The following PAN3 variants were observed in gnomAD, a reference collection of about 807,000 sequenced individuals.
The protein encoded by PAN3 is poly(A) specific ribonuclease subunit PAN3, also known as PAN2-PAN3 deadenylation complex subunit PAN3.
Under a neutral mutation model 96.2 loss-of-function variants are expected in PAN3, and 19 were observed. The observed-to-expected ratio is 0.20, with a 90% CI of 0.14 to 0.29. The LOEUF is 0.29. PAN3 is among the 10% of genes least tolerant of loss of function. The pLI, the probability that PAN3 is intolerant of heterozygous loss-of-function variation, is 1.00. For synonymous variants in PAN3, 433 were observed against 406.6 expected (o/e 1.06, Z -0.78); for missense variants, 882 against 1,108.1 (o/e 0.80, Z 2.90).
chr13:28,244,273 C>T (rs537898374), intron 6 of PAN3, among the ~76,000 whole-genome samples: 113 of 152,188 alleles, frequency 7.4e-4, no homozygotes, highest in African/African-American at 2.5e-3. Flanking sequence ...TTTTGACCTT[C>T]GGATTTTGTT....
Position 28,291,232 on chromosome 13 carries a change from CAT to C in PAN3, c.2524-1147_2524-1146del, listed in dbSNP as rs1265428572. On this transcript the variant is annotated intron_variant, in intron 18 of 18. Coordinates refer to ENST00000380958, the MANE Select transcript of PAN3 (RefSeq NM_175854.8). ...GTTTGAGCCTTCAGTGAGTTGTAAA[CAT>C]ATTTTAATGAATTATGTATCAATTA... Among the ~76,000 whole-genome samples, 9 of 152,148 alleles carry C rather than the reference CAT, an allele frequency of 5.9e-5. No homozygotes were observed. The South Asian group carries it at 1.5e-3, about 25-fold the overall frequency.
chr13:28,230,513 A>C (rs1342847220), intron 6 of PAN3, among the ~76,000 whole-genome samples: 2 of 152,168 alleles, frequency 1.3e-5, no homozygotes, highest in African/African-American at 4.8e-5. Context: ...ATTGTTACAA[A>C]AAAATCAACT....
intron 9 of PAN3, among the ~76,000 whole-genome samples, chr13:28,262,698 C>G (rs552949225): frequency 8.9e-6 from 1 of 112,902 alleles, no homozygotes; most frequent in African/African-American, 2.7e-5. Flanking sequence ...GCAGATTAGA[C>G]ATTATTTGAA....
At chr13:28,289,480 G>A (rs1292584453) in intron 18 of PAN3, among the ~76,000 whole-genome samples, 2 of 152,158 alleles carry the variant, frequency 1.3e-5, no homozygotes, top group Non-Finnish European at 2.9e-5. Flanking sequence ...ATTTCACCAT[G>A]TTGCTCAGGC....
intron 4 of PAN3, among the ~76,000 whole-genome samples, chr13:28,183,017 G>T (rs546496785): frequency 6.6e-6 from 1 of 151,970 alleles, no homozygotes; most frequent in Admixed American, 6.6e-5. Flanking sequence ...GCATATTTAC[G>T]GTAGAGTTCT....
chr13:28,177,838 T>G, intron 3 of PAN3, 27 bp from the exon 4 acceptor site: 1 of 1,591,980 alleles, frequency 6.3e-7, no homozygotes, highest in African/African-American at 1.3e-5. Flanking sequence ...GTTTTATGTG[T>G]GGAAACTTAC....
At chr13:28,237,141 T>C (rs1011201422) in intron 6 of PAN3, among the ~76,000 whole-genome samples, 2 of 152,156 alleles carry the variant, frequency 1.3e-5, no homozygotes, top group Non-Finnish European at 2.9e-5. Flanking sequence ...GTGAAAACAT[T>C]AGATTGGGCT....
At chr13:28,254,245 A>C (rs2138575963) in intron 6 of PAN3, among the ~76,000 whole-genome samples, 1 of 152,314 alleles carries the variant, frequency 6.6e-6, no homozygotes, top group East Asian at 1.9e-4. Context: ...TTGCTGAATT[A>C]CCTATATTTG....
intron 7 of PAN3, 31 bp downstream of exon 7, chr13:28,256,570 ACT>A (rs1381982766): frequency 6.3e-6 from 10 of 1,584,882 alleles, no homozygotes; most frequent in Non-Finnish European, 6.9e-6. Flanking sequence ...AAATTTTAGT[ACT>A]CTCTTGTAAC....
intron 15 of PAN3, among the ~76,000 whole-genome samples, chr13:28,279,136 A>G (rs1887270505): frequency 6.6e-6 from 1 of 151,986 alleles, no homozygotes; most frequent in Non-Finnish European, 1.5e-5. Flanking sequence ...CTTTACGTAT[A>G]GAATAAGCGG....
chr13:28,177,401 T>C (rs1391869533), intron 3 of PAN3, among the ~76,000 whole-genome samples: 44 of 152,166 alleles, frequency 2.9e-4, no homozygotes, highest in Admixed American at 2.9e-3. Context: ...ATGGAATAGT[T>C]TGCAGAGTAA....
At chr13:28,285,358 C>G (rs1246979449) in intron 17 of PAN3, among the ~76,000 whole-genome samples, 3 of 152,164 alleles carry the variant, frequency 2.0e-5, no homozygotes, top group Admixed American at 6.5e-5. Flanking sequence ...GAATTTGAAG[C>G]ATTGTTCCTT....
chr13:28,186,188 TTTC>T (rs1300398573), intron 4 of PAN3, among the ~76,000 whole-genome samples: 1 of 152,202 alleles, frequency 6.6e-6, no homozygotes, highest in Non-Finnish European at 1.5e-5. Context: ...TACAAAAATA[TTTC>T]TTCATTTGGG....
chr13:28,282,953 T>G (rs1868475638), intron 17 of PAN3, among the ~76,000 whole-genome samples: 1 of 152,198 alleles, frequency 6.6e-6, no homozygotes, highest in Admixed American at 6.5e-5. Flanking sequence ...AAAGGTGAGT[T>G]TTTTTAGTCT....
intron 6 of PAN3, among the ~76,000 whole-genome samples, chr13:28,250,434 C>A (rs1884615037): frequency 6.6e-6 from 1 of 152,118 alleles, no homozygotes; most frequent in Non-Finnish European, 1.5e-5. Context: ...GGTGCAACCT[C>A]TGCTCACTGC....
intron 17 of PAN3, among the ~76,000 whole-genome samples, chr13:28,285,065 G>C (rs1868812978): frequency 6.6e-6 from 1 of 152,138 alleles, no homozygotes; most frequent in Non-Finnish European, 1.5e-5. Flanking sequence ...GCAATACTGA[G>C]TGTATTCTTA....
intron 5 of PAN3, among the ~76,000 whole-genome samples, chr13:28,199,504 G>A (rs998313910): frequency 2.0e-5 from 3 of 152,050 alleles, no homozygotes; most frequent in African/African-American, 7.2e-5. Flanking sequence ...AGGACATAAG[G>A]AATGCTGTAC....
chr13:28,241,330 A>G (rs561553705), intron 6 of PAN3, among the ~76,000 whole-genome samples: 1 of 152,368 alleles, frequency 6.6e-6, no homozygotes, highest in South Asian at 2.1e-4. Flanking sequence ...CATATAGTAT[A>G]TAGTCATCTG....
chr13:28,266,695 C>G lies in PAN3; in HGVS notation c.1412-20C>G. 1 of 1,517,344 alleles carries G rather than the reference C, an allele frequency of 6.6e-7. No homozygotes were observed. The highest frequency in any genetic ancestry group is 8.8e-7 in the Non-Finnish European group (1 of 1,130,664). The allele number at this position is 1,517,344 out of a possible 1,614,324, so 94.0% of individuals were successfully genotyped here. On this transcript the variant is annotated intron_variant, in intron 9 of 18. Coordinates refer to ENST00000380958, the MANE Select transcript of PAN3 (RefSeq NM_175854.8). ...ATGAATGCCTGTATTTTCAAGTCAT[C>G]TTCTTATGAATTACTCTAGCAGTTC...
Sources: gnomAD v4.1 joint callset for allele counts (sites outside exome capture counted in the v4.1 genomes callset) on GRCh38, gnomAD v4.1.1 for gene constraint, MANE v1.5 for transcripts, NCBI Gene and HGNC (gene_info 2026-07-23, HGNC 2026-07-21) for gene names.